PPP4R3B: variants seen among roughly 807,000 people sequenced by gnomAD.
PPP4R3B encodes protein phosphatase 4 regulatory subunit 3B.
A neutral mutation model predicts 95.4 loss-of-function variants in PPP4R3B; 52 were observed. The observed-to-expected ratio is 0.54, with a 90% confidence interval of 0.44 to 0.69. The LOEUF (loss-of-function observed/expected upper bound fraction) is 0.69, where lower values mean the gene tolerates loss of function less well. Among genes scored for constraint, PPP4R3B ranks in the 30% least tolerant of loss-of-function variants. The probability of loss-of-function intolerance (pLI) is 0.00; values close to 1 mark genes in which losing one functional copy is unlikely to be tolerated. For missense variants in PPP4R3B, 1,003 were observed against 1,005.9 expected (o/e 1.00, Z 0.04); for synonymous variants, 407 against 343.9 (o/e 1.18, Z -2.03).
chr2:55,616,397 T>C (rs547553794), intron 1 of PPP4R3B: 1 of 152,236 alleles, frequency 6.6e-6, no homozygotes, highest in Non-Finnish European at 1.5e-5. Context: ...ACTGCCTATA[T>C]CAGTTGTTCA....
rs1281978428 is a variant in PPP4R3B at position 55,617,380 on chromosome 2, TGGC to T, written c.-98_-96del. 6.1e-5 allele frequency: 82 copies of T among 1,355,284 alleles called. No individual in the cohort carries two copies. Among genetic ancestry groups the T allele is most frequent in the Admixed American group, 1.6e-4 (5 of 31,314 alleles). The allele number at this position is 1,355,284 out of a possible 1,614,324, so 84.0% of individuals were successfully genotyped here. A position where few individuals can be genotyped will look rare whatever the true frequency, so the allele number is the denominator to read the frequency against. The stretch of plus-strand genomic sequence containing the variant: ...GAGACGGTAAAGGCAGTAGTGGCGG[TGGC>T]GGCGGCGGCGGCTTCGGAGAGGCCC... On this transcript the variant is annotated 5_prime_UTR_variant, in exon 1 of 17. Transcript: ENST00000616407.
At chr2:55,609,511 A>AT (rs1210646124) in intron 2 of PPP4R3B, among the ~76,000 whole-genome samples, 1 of 152,038 alleles carries the variant, frequency 6.6e-6, no homozygotes, top group Non-Finnish European at 1.5e-5. Context: ...GCATAATCCC[A>AT]TATCTACAAA....
At chr2:55,606,287 T>C (rs964805713) in intron 2 of PPP4R3B, among the ~76,000 whole-genome samples, 1 of 152,214 alleles carries the variant, frequency 6.6e-6, no homozygotes, top group Non-Finnish European at 1.5e-5. Context: ...AATTTTTAAA[T>C]GTTTGAACTG....
At chr2:55,589,914 T>A (rs1243411022) in intron 4 of PPP4R3B, among the ~76,000 whole-genome samples, 12 of 108,944 alleles carry the variant, frequency 1.1e-4, no homozygotes, top group African/African-American at 3.1e-4. Flanking sequence ...AGACTCCATC[T>A]CAAAAAAAAA....
intron 10 of PPP4R3B, 126 bp downstream of exon 10, chr2:55,578,121 G>A: frequency 1.0e-6 from 1 of 968,248 alleles, no homozygotes; most frequent in Non-Finnish European, 1.4e-6. Flanking sequence ...TAAAAAATAT[G>A]CAGAATAATA....
Position 55,564,404 on chromosome 2 carries a change from CTCTTCTTCA to C in PPP4R3B, c.2160_2168del (p.Asp720_Glu722del). On this transcript the variant is annotated inframe_deletion, in exon 15 of 17. Coordinates refer to ENST00000616407, the MANE Select transcript of PPP4R3B (RefSeq NM_001122964.3). ...CTGGTGCCACAACTGCTTTTCCTTC[CTCTTCTTCA>C]TCTTCATTAAACCACATTTCTTCAT... 2 of 1,613,832 alleles carry C rather than the reference CTCTTCTTCA, an allele frequency of 1.2e-6. No individual in the cohort carries two copies. The highest frequency in any genetic ancestry group is 1.7e-6 in the Non-Finnish European group (2 of 1,179,878).
chr2:55,592,519 A>G (rs193276679), intron 4 of PPP4R3B, among the ~76,000 whole-genome samples: 1 of 152,322 alleles, frequency 6.6e-6, no homozygotes, highest in Non-Finnish European at 1.5e-5. Context: ...CTATTACTCT[A>G]AACAGTTTTT....
chr2:55,592,129 A>G (rs1375485524), intron 4 of PPP4R3B, among the ~76,000 whole-genome samples: 1 of 152,244 alleles, frequency 6.6e-6, no homozygotes, highest in Non-Finnish European at 1.5e-5. Flanking sequence ...AAACAAAAGA[A>G]AAAACAGAAC....
chr2:55,549,869 A>T lies in PPP4R3B; in HGVS notation c.*42T>A. Reference sequence around the variant, plus strand: ...GATTTTCAGCTCACTGAACAGTTGCAGCATTGTAAGACCACATGTTGAGGG... The same window carrying T: ...GATTTTCAGCTCACTGAACAGTTGCTGCATTGTAAGACCACATGTTGAGGG... On this transcript the variant is annotated 3_prime_UTR_variant, in exon 17 of 17. Coordinates refer to ENST00000616407, the MANE Select transcript of PPP4R3B (RefSeq NM_001122964.3). 7.1e-7 allele frequency: 1 copy of T among 1,401,710 alleles called. No homozygotes were observed. Among genetic ancestry groups the T allele is most frequent in the Non-Finnish European group, 1.0e-6 (1 of 986,842 alleles). The allele number at this position is 1,401,710 out of a possible 1,614,324, so 86.8% of individuals were successfully genotyped here.
chr2:55,588,903 T>C lies in PPP4R3B; in HGVS notation c.975A>G (p.Thr325=). 6.2e-7 allele frequency: 1 copy of C among 1,610,774 alleles called. No individual in the cohort carries two copies. Among genetic ancestry groups the C allele is most frequent in the Non-Finnish European group, 8.5e-7 (1 of 1,178,028 alleles). Residue 325 remains threonine (T), a synonymous_variant, in exon 5 of 17, where the codon ACA becomes ACG. Transcript: ENST00000616407. ...CCAATTCACGCCGTTTATCATCATC[T>C]GTAGCCTCATCTGTTAATTGTGCAA... ...EVFAQLTDEA[T]DDDKRRELVN...
intron 13 of PPP4R3B, 49 bp downstream of exon 13, chr2:55,568,145 T>A: frequency 8.1e-7 from 1 of 1,241,222 alleles, no homozygotes; most frequent in Non-Finnish European, 1.0e-6. Flanking sequence ...ACATAAAAAA[T>A]TATTTACATA....
At chr2:55,605,371 C>A (rs142593725) in intron 2 of PPP4R3B, among the ~76,000 whole-genome samples, 74 of 152,242 alleles carry the variant, frequency 4.9e-4, no homozygotes, top group African/African-American at 1.2e-3. Flanking sequence ...AACTAAAAAT[C>A]ATCCCCAGAT....
At chr2:55,551,024 C>A (rs1685184181) in intron 16 of PPP4R3B, among the ~76,000 whole-genome samples, 1 of 152,084 alleles carries the variant, frequency 6.6e-6, no homozygotes, top group Non-Finnish European at 1.5e-5. Flanking sequence ...ATGTCAAATT[C>A]TAATGACACC....
intron 7 of PPP4R3B, among the ~76,000 whole-genome samples, chr2:55,583,080 T>G (rs1314773602): frequency 6.6e-6 from 1 of 152,136 alleles, no homozygotes; most frequent in Non-Finnish European, 1.5e-5. Flanking sequence ...TGCTCCATAA[T>G]ACTTTACCAA....
At chr2:55,592,314 T>C (rs1169214266) in intron 4 of PPP4R3B, among the ~76,000 whole-genome samples, 1 of 152,108 alleles carries the variant, frequency 6.6e-6, no homozygotes, top group Non-Finnish European at 1.5e-5. Flanking sequence ...CCCAAATAAT[T>C]AATGAGGTTT....
At chr2:55,590,326 T>TCAA (rs1367607710) in intron 4 of PPP4R3B, among the ~76,000 whole-genome samples, 1 of 152,096 alleles carries the variant, frequency 6.6e-6, no homozygotes, top group East Asian at 1.9e-4. Context: ...AAACTCCGTC[T>TCAA]CAACAACAAC....
intron 4 of PPP4R3B, among the ~76,000 whole-genome samples, chr2:55,595,850 C>T (rs1391047076): frequency 6.6e-6 from 1 of 152,006 alleles, no homozygotes; most frequent in East Asian, 1.9e-4. Context: ...AAACCACACT[C>T]TGAGATCCAC....
At chr2:55,589,970 T>TC (rs1690755001) in intron 4 of PPP4R3B, among the ~76,000 whole-genome samples, 8 of 142,136 alleles carry the variant, frequency 5.6e-5, no homozygotes, top group South Asian at 4.3e-4. Context: ...TATATATATT[T>TC]ATATATATAT....
intron 4 of PPP4R3B, chr2:55,591,420 G>C (rs1417748978): frequency 1.6e-6 from 1 of 628,472 alleles, no homozygotes; most frequent in Non-Finnish European, 2.0e-6. Flanking sequence ...TAGGACTACA[G>C]GCATGAGCCA....
Sources: allele counts gnomAD v4.1 joint callset (sites outside exome capture counted in the v4.1 genomes callset), GRCh38; gene constraint gnomAD v4.1.1; transcripts MANE v1.5; gene names NCBI Gene and HGNC (gene_info 2026-07-23, HGNC 2026-07-21).